Variants in MYOM3 observed in about 807,000 individuals in gnomAD.
MYOM3 encodes myomesin-3.
MYOM3 carries 155 observed loss-of-function variants against 191.7 expected under a neutral mutation model. The ratio of observed to expected loss-of-function variants is 0.81; its 90% CI spans 0.71 to 0.92. The LOEUF is 0.92. MYOM3 is among the 40% of genes least tolerant of loss of function. The probability of loss-of-function intolerance (pLI) is 0.00; values close to 1 mark genes in which losing one functional copy is unlikely to be tolerated. For synonymous variants in MYOM3, 757 were observed against 762.9 expected (o/e 0.99, Z 0.13); for missense variants, 1,889 against 1,890.6 (o/e 1.00, Z 0.02).
chr1:24,066,360 C>T, intron 28 of MYOM3: 1 of 638,984 alleles, frequency 1.6e-6, no homozygotes, highest in Non-Finnish European at 2.8e-6. Flanking sequence ...AACATGGGCT[C>T]CCAAGGCCCA....
chr1:24,058,789 G>T, intron 36 of MYOM3, 135 bp downstream of exon 36: 1 of 680,882 alleles, frequency 1.5e-6, no homozygotes, highest in Non-Finnish European at 2.6e-6. Flanking sequence ...TGTACCACAT[G>T]TCATCAATGA....
rs540301910 is a variant in MYOM3, at chr1:24,111,133, C to A, written c.-19+898G>T. The stretch of plus-strand genomic sequence containing the variant: ...CAGGGACAAGTTTGCGGCCTCACTG[C>A]CCTTTCCCAAAGGACCAGGGTGCCT... On this transcript the variant is annotated intron_variant, in intron 1 of 36. Coordinates refer to ENST00000374434, the MANE Select transcript of MYOM3 (RefSeq NM_152372.4). The surrounding 1 kb of genome is among the most constrained non-coding windows in gnomAD (Gnocchi z 4.7). Among the ~76,000 whole-genome samples the A allele has an allele frequency of 3.9e-5, 6 of 152,364 alleles. No individual in the cohort carries two copies. The South Asian group carries it at 1.2e-3, about 32-fold the overall frequency.
chr1:24,063,082 A>C lies in MYOM3; in HGVS notation c.3770+44T>G. The C allele has an allele frequency of 7.1e-7, 1 of 1,410,514 alleles. No homozygotes were observed. Among genetic ancestry groups the C allele is most frequent in the Non-Finnish European group, 1.0e-6 (1 of 996,998 alleles). The allele number at this position is 1,410,514 out of a possible 1,614,324, so 87.4% of individuals were successfully genotyped here. On this transcript the variant is annotated intron_variant, in intron 32 of 36. Transcript: ENST00000374434. This position sits in a 1 kb window ranked among gnomAD's most constrained non-coding sequence, Gnocchi z 4.5. ...GAGGCCCCCATGGGTCAGGTGCTGA[A>C]TCCTTTCCAGCCTGGCTGGGGTTCT...
chr1:24,084,415 GGTAT>G (rs774965348), intron 16 of MYOM3, 49 bp downstream of exon 16: 1 of 1,578,508 alleles, frequency 6.3e-7, no homozygotes, highest in Non-Finnish European at 8.7e-7. Flanking sequence ...CCCAGTCTCA[GGTAT>G]GTCTTTATAG....
Position 24,090,170 on chromosome 1 carries a change from G to A in MYOM3, c.1433-52C>T, listed in dbSNP as rs767232128. ...GTGGGGGGTGGCACAGGAGGAGTTA[G>A]GCCAGGAGCTACCCCACACCAGGGT... On this transcript the variant is annotated intron_variant, in intron 12 of 36. Coordinates refer to ENST00000374434, the MANE Select transcript of MYOM3 (RefSeq NM_152372.4). 1.2e-5 allele frequency: 17 copies of A among 1,445,524 alleles called. 1 individual carries two copies. Among genetic ancestry groups the A allele is most frequent in the Middle Eastern group, 1.7e-4 (1 of 5,798 alleles). 89.5% of individuals were successfully genotyped at this position (1,445,524 alleles called of 1,614,324 possible).
In MYOM3 at chr1:24,057,295, T is replaced by C; in HGVS notation, c.*69A>G. ...CACCCCTGTAGCCTGTGCCAGGCTG[T>C]GACCCTGGTACAGGTTGTCCCTACT... On this transcript the variant is annotated 3_prime_UTR_variant, in exon 37 of 37. Coordinates refer to ENST00000374434, the MANE Select transcript of MYOM3 (RefSeq NM_152372.4). 1 of 1,502,086 alleles carries C rather than the reference T, an allele frequency of 6.7e-7. No homozygotes were observed. The allele number at this position is 1,502,086 out of a possible 1,614,324, so 93.0% of individuals were successfully genotyped here.
At position 24,068,356 on chromosome 1, in the gene MYOM3, G is replaced by A; in HGVS notation, c.3162C>T (p.Ile1054=). The A allele has an allele frequency of 6.2e-7, 1 of 1,614,130 alleles. No homozygotes were observed. The highest frequency in any genetic ancestry group is 8.5e-7 in the Non-Finnish European group (1 of 1,180,014). ...KEIFSSPNRK[I]NFDREKGLVE... is the part of the protein sequence containing the mutation. Reference sequence around the variant, plus strand: ...CCAGGCCCTTCTCTCGGTCAAAATTGATTTTGCGGTTCTGAAAAGGACAAA... The same window carrying A: ...CCAGGCCCTTCTCTCGGTCAAAATTAATTTTGCGGTTCTGAAAAGGACAAA... Residue 1054 remains isoleucine, a synonymous_variant, in exon 26 of 37, where the codon ATC becomes ATT. Transcript: ENST00000374434.
At chr1:24,074,106 G>A in intron 23 of MYOM3, 54 bp downstream of exon 23, 1 of 1,436,916 alleles carries the variant, frequency 7.0e-7, no homozygotes, top group Admixed American at 1.8e-5. Flanking sequence ...GTGGGCATTT[G>A]TGTTTGGGAC....
Position 24,057,546 on chromosome 1 carries a change from G to A in MYOM3, c.4132C>T (p.Leu1378Phe), listed in dbSNP as rs1643318211. The A allele has an allele frequency of 6.2e-7, 1 of 1,614,088 alleles. No homozygotes were observed. Among genetic ancestry groups the A allele is most frequent in the Admixed American group, 1.7e-5 (1 of 60,010 alleles). ...WLKNDQPVTFLDRYRMEVRGT... is the reference protein window; with the variant it reads ...WLKNDQPVTFFDRYRMEVRGT... ...CTCACTTCCATGCGGTATCGGTCAA[G>A]GAAGGTGACAGGCTGGTCATTCTTC... Residue 1378 changes from leucine (L) to phenylalanine (F), a missense_variant, in exon 37 of 37, where the codon CTT becomes TTT. Coordinates refer to ENST00000374434, the MANE Select transcript of MYOM3 (RefSeq NM_152372.4).
At chr1:24,103,716 C>T (rs979460493) in intron 5 of MYOM3, among the ~76,000 whole-genome samples, 3 of 152,114 alleles carry the variant, frequency 2.0e-5, no homozygotes, top group African/African-American at 7.2e-5. Context: ...TTGTAAAACA[C>T]GTTTTGCCTT....
chr1:24,061,058 A>T lies in MYOM3; in HGVS notation c.3994+2T>A, dbSNP rs746724830. 1 of 1,613,742 alleles carries T rather than the reference A, an allele frequency of 6.2e-7. No homozygotes were observed. The highest frequency in any genetic ancestry group is 1.1e-5 in the South Asian group (1 of 91,044). ...AAACAACAGAAATATCGGCCGACTTACTCTTCTCGATGATGGCCAAGGTTC... is the reference window on the plus strand; with the variant it reads ...AAACAACAGAAATATCGGCCGACTTTCTCTTCTCGATGATGGCCAAGGTTC... On this transcript the variant is annotated splice_donor_variant, in intron 35 of 36. Transcript: ENST00000374434. LOFTEE classifies it high-confidence loss of function.
At chr1:24,058,767 G>A (rs572772872) in intron 36 of MYOM3, among the ~76,000 whole-genome samples, 157 bp downstream of exon 36, 115 of 152,342 alleles carry the variant, frequency 7.5e-4, no homozygotes, top group African/African-American at 2.6e-3. Context: ...ACCAGGCCCA[G>A]TGACTTTCCT....
At chr1:24,066,770 CT>C (rs1643440062) in intron 28 of MYOM3, 2 of 506,468 alleles carry the variant, frequency 3.9e-6, no homozygotes, top group African/African-American at 3.9e-5. Flanking sequence ...CTCAGAACCC[CT>C]TCTGGAGCCA....
chr1:24,099,548 T>C (rs778681469), intron 6 of MYOM3, 132 bp downstream of exon 6: 35 of 686,922 alleles, frequency 5.1e-5, no homozygotes, highest in Non-Finnish European at 8.8e-5. Flanking sequence ...ATCGGTATTT[T>C]GACCAGCACC....
At chr1:24,105,483 A>T (rs757765068) in intron 5 of MYOM3, among the ~76,000 whole-genome samples, 1 of 152,196 alleles carries the variant, frequency 6.6e-6, no homozygotes, top group Non-Finnish European at 1.5e-5. Context: ...TCAACCCTGG[A>T]GACGCCCAGC....
At chr1:24,066,354 T>C (rs531096598) in intron 28 of MYOM3, 2 of 644,774 alleles carry the variant, frequency 3.1e-6, no homozygotes, top group African/African-American at 1.8e-5. Context: ...GCCTTGAACA[T>C]GGGCTCCCAA....
intron 4 of MYOM3, 70 bp downstream of exon 4, chr1:24,107,003 G>T (rs1260716114): frequency 6.9e-7 from 1 of 1,440,792 alleles, no homozygotes; most frequent in East Asian, 2.5e-5. Flanking sequence ...TCTTGGGAAG[G>T]GGGTGAGGAT....
intron 24 of MYOM3, among the ~76,000 whole-genome samples, 160 bp downstream of exon 24, chr1:24,071,809 G>C (rs1424183800): frequency 6.6e-6 from 1 of 152,160 alleles, no homozygotes; most frequent in African/African-American, 2.4e-5. Context: ...CCTTCCGTGA[G>C]CTTCCCGAGT....
chr1:24,084,795 C>T (rs748879894), intron 15 of MYOM3, among the ~76,000 whole-genome samples, 156 bp from the exon 16 acceptor site: 2 of 152,096 alleles, frequency 1.3e-5, no homozygotes, highest in Non-Finnish European at 2.9e-5. Context: ...GACCTCTTCC[C>T]TAGGCCCAGA....
Sources: gnomAD v4.1 joint callset for allele counts (sites outside exome capture counted in the v4.1 genomes callset) on GRCh38, gnomAD v4.1.1 for gene constraint, Gnocchi (gnomAD v3.1) non-coding constraint, MANE v1.5 for transcripts, NCBI Gene and HGNC (gene_info 2026-07-23, HGNC 2026-07-21) for gene names.